Variants in TGM3 observed in about 807,000 individuals in gnomAD.
TGM3 encodes transglutaminase 3.
Under a neutral mutation model 73.8 loss-of-function variants are expected in TGM3, and 52 were observed. The ratio of observed to expected loss-of-function variants is 0.70; its 90% CI spans 0.56 to 0.89. The LOEUF is 0.89. TGM3 is among the 40% of genes least tolerant of loss of function. The pLI, the probability that TGM3 is intolerant of heterozygous loss-of-function variation, is 0.00. For synonymous variants in TGM3, 372 were observed against 354.9 expected, an observed-to-expected ratio of 1.05 and a Z score of -0.54; for missense variants, 928 against 909.9, an observed-to-expected ratio of 1.02 and a Z score of -0.26.
intron 11 of TGM3, among the ~76,000 whole-genome samples, chr20:2,337,000 C>G (rs1211564593): frequency 6.6e-6 from 1 of 152,142 alleles, no homozygotes; most frequent in Middle Eastern, 3.2e-3. Flanking sequence ...GGCATTTGTC[C>G]CAGCTGGAAT....
intron 5 of TGM3, among the ~76,000 whole-genome samples, chr20:2,316,394 G>C (rs1012134148): frequency 6.6e-6 from 1 of 150,816 alleles, no homozygotes; most frequent in Non-Finnish European, 1.5e-5. Context: ...GTGAAACCCC[G>C]TCTCTATTAA....
chr20:2,335,373 C>A, intron 11 of TGM3, 100 bp downstream of exon 11: 1 of 1,453,852 alleles, frequency 6.9e-7, no homozygotes, highest in South Asian at 1.3e-5. Context: ...TCCCAGAGGG[C>A]AAAGGAGAGT....
At chr20:2,316,206 A>T (rs1178163627) in intron 5 of TGM3, among the ~76,000 whole-genome samples, 2 of 152,240 alleles carry the variant, frequency 1.3e-5, no homozygotes, top group African/African-American at 4.8e-5. Flanking sequence ...TAACAAATGA[A>T]CAAATAGCTG....
chr20:2,321,028 C>T (rs952444140), intron 7 of TGM3, among the ~76,000 whole-genome samples: 7 of 152,194 alleles, frequency 4.6e-5, no homozygotes, highest in Non-Finnish European at 8.8e-5. Flanking sequence ...AGCCAAGCCC[C>T]TGGCTCCTCA....
intron 11 of TGM3, among the ~76,000 whole-genome samples, chr20:2,335,623 G>A (rs2084345969): frequency 6.6e-6 from 1 of 152,058 alleles, no homozygotes; most frequent in African/African-American, 2.4e-5. Flanking sequence ...CATTTGCTGT[G>A]TTCTGGGCCA....
chr20:2,311,073 A>T lies in TGM3; in HGVS notation c.484A>T (p.Ile162Phe). ...AGAGTATGTTCAGGAAGATGCCGGCATCATCTTTGTGGGAAGCACAAACCG... is the reference window on the plus strand; with the variant it reads ...AGAGTATGTTCAGGAAGATGCCGGCTTCATCTTTGTGGGAAGCACAAACCG... ...REEYVQEDAG[I>F]IFVGSTNRIG... Residue 162 changes from isoleucine to phenylalanine, a missense_variant, in exon 4 of 13, where the codon ATC (isoleucine) becomes TTC (phenylalanine). Ile to Phe is a conservative substitution (Grantham distance 21). Transcript: ENST00000381458. The T allele has an allele frequency of 1.2e-6, 2 of 1,614,172 alleles. No individual in the cohort carries two copies. Among genetic ancestry groups the T allele is most frequent in the Non-Finnish European group, 1.7e-6 (2 of 1,180,024 alleles).
chr20:2,308,028 C>G, intron 1 of TGM3, among the ~76,000 whole-genome samples: 1 of 152,018 alleles, frequency 6.6e-6, no homozygotes, highest in Non-Finnish European at 1.5e-5. Context: ...TTGAGACAAG[C>G]TTGGGCAACA....
Position 2,310,224 on chromosome 20 carries a change from C to T in TGM3, c.228C>T (p.Leu76=), listed in dbSNP as rs199528774. The T allele has an allele frequency of 2.5e-6, 4 of 1,614,126 alleles. No homozygotes were observed. The highest frequency in any genetic ancestry group is 1.3e-5 in the African/African-American group (1 of 74,950). Residue 76 remains leucine (L), a synonymous_variant, in exon 3 of 13, where the codon CTC becomes CTT. Transcript: ENST00000381458. ...ESAMTKAVFP[L]SNGSSGGWSA... ...CCATGACGAAGGCTGTGTTTCCACT[C>T]TCCAATGGCAGTAGTGGTGGCTGGA...
intron 1 of TGM3, among the ~76,000 whole-genome samples, chr20:2,301,067 C>T (rs1388456050): frequency 6.6e-6 from 1 of 152,054 alleles, no homozygotes; most frequent in Non-Finnish European, 1.5e-5. Context: ...TTCTCTTCAT[C>T]CTCACCAGCC....
chr20:2,319,252 G>A (rs112258400), intron 7 of TGM3, among the ~76,000 whole-genome samples: 9 of 152,112 alleles, frequency 5.9e-5, no homozygotes, highest in Non-Finnish European at 5.9e-5. Flanking sequence ...GGGTCCCCTC[G>A]GCATACCCTT....
At chr20:2,314,545 A>G in intron 5 of TGM3, among the ~76,000 whole-genome samples, 1 of 151,128 alleles carries the variant, frequency 6.6e-6, no homozygotes, top group South Asian at 2.1e-4. Context: ...ACACACACAC[A>G]CACACACACA....
rs1250480016 is a variant in TGM3, at chr20:2,310,497, G to A, written c.421+80G>A. 1.9e-6 allele frequency: 3 copies of A among 1,562,708 alleles called. No individual in the cohort carries two copies. The African/African-American group carries it at 4.1e-5, about 21-fold the overall frequency. On this transcript the variant is annotated intron_variant, in intron 3 of 12. Transcript: ENST00000381458. ...GGGGATGGGGGAAATGATCTTCACA[G>A]GCTCAAGTTTGATTAGGGAAAGTCC...
intron 1 of TGM3, among the ~76,000 whole-genome samples, chr20:2,302,608 G>C (rs368763113): frequency 6.6e-6 from 1 of 150,426 alleles, no homozygotes; most frequent in Admixed American, 6.7e-5. Context: ...TAAGATGTCC[G>C]CTAGAGGCTT....
chr20:2,302,317 C>T (rs1290006010), intron 1 of TGM3, among the ~76,000 whole-genome samples: 1 of 152,174 alleles, frequency 6.6e-6, no homozygotes, highest in Non-Finnish European at 1.5e-5. Flanking sequence ...CTTTCACAGT[C>T]TGGAGTCTTT....
chr20:2,307,282 G>A (rs1309678795), intron 1 of TGM3, among the ~76,000 whole-genome samples: 3 of 152,110 alleles, frequency 2.0e-5, no homozygotes, highest in Non-Finnish European at 2.9e-5. Context: ...ACTGGAGAGG[G>A]TACCTATGGT....
chr20:2,339,913 A>G lies in TGM3; in HGVS notation c.1860A>G (p.Pro620=). 1.2e-6 allele frequency: 2 copies of G among 1,613,216 alleles called. No individual in the cohort carries two copies. The highest frequency in any genetic ancestry group is 1.7e-4 in the Middle Eastern group (1 of 6,060). ...PVNVQMLFSN[P]LDEPVRDCVL... ...ACGTGCAGATGCTCTTCTCCAATCC[A>G]CTGGATGAGCCGGTGAGGGACTGCG... The change falls in exon 12 of 13, where the codon CCA becomes CCG. Residue 620 remains proline, a synonymous_variant. Coordinates refer to ENST00000381458, the MANE Select transcript of TGM3 (RefSeq NM_003245.4).
At chr20:2,323,668 C>G (rs999143459) in intron 7 of TGM3, among the ~76,000 whole-genome samples, 1 of 152,208 alleles carries the variant, frequency 6.6e-6, no homozygotes, top group African/African-American at 2.4e-5. Context: ...TAAACTCCCA[C>G]CAGTGGGGTA....
chr20:2,313,163 A>G, intron 5 of TGM3, 137 bp downstream of exon 5: 1 of 1,281,026 alleles, frequency 7.8e-7, no homozygotes, highest in Non-Finnish European at 1.1e-6. Flanking sequence ...AACCATCCAC[A>G]TTTTACTAAC....
rs45450801 is a variant in TGM3, at chr20:2,334,951, C to T, written c.1643-165C>T. Among the ~76,000 whole-genome samples, 68 of 152,224 alleles carry T rather than the reference C, an allele frequency of 4.5e-4. No individual in the cohort carries two copies. The highest frequency in any genetic ancestry group is 8.4e-4 in the Non-Finnish European group (57 of 67,996). On this transcript the variant is annotated intron_variant, in intron 10 of 12. Transcript: ENST00000381458. The surrounding 1 kb of genome is among the most constrained non-coding windows in gnomAD (Gnocchi z 4.0). ...CCCCTGCTCTGGAGCCCACCCTGAC[C>T]GGGGGACGCTTCCCACAGGACCTGG...
Sources: gnomAD v4.1 joint callset for allele counts (sites outside exome capture counted in the v4.1 genomes callset) on GRCh38, gnomAD v4.1.1 for gene constraint, Gnocchi (gnomAD v3.1) non-coding constraint, MANE v1.5 for transcripts, NCBI Gene and HGNC (gene_info 2026-07-23, HGNC 2026-07-21) for gene names.